The following SLCO4C1 variants were observed in gnomAD, a reference collection of about 807,000 sequenced individuals.
SLCO4C1 encodes solute carrier organic anion transporter family member 4C1.
Under a neutral mutation model 72.1 loss-of-function variants are expected in SLCO4C1, and 58 were observed. That is an observed-to-expected ratio of 0.80 (90% CI 0.65 to 1.00). The LOEUF (loss-of-function observed/expected upper bound fraction) is 1.00, where lower values mean the gene tolerates loss of function less well. Among genes scored for constraint, SLCO4C1 ranks in the 50% least tolerant of loss-of-function variants. The probability of loss-of-function intolerance (pLI) is 0.00; values close to 1 mark genes in which losing one functional copy is unlikely to be tolerated. For synonymous variants in SLCO4C1, 297 were observed against 312.5 expected (o/e 0.95, Z 0.52); for missense variants, 898 against 857.9 (o/e 1.05, Z -0.58).
In SLCO4C1 at chr5:102,275,107, G is replaced by A. The variant is rs190747195; in HGVS notation, c.620-4301C>T. Among the ~76,000 whole-genome samples, 323 of 151,620 alleles carry A rather than the reference G, an allele frequency of 2.1e-3. 3 individuals are homozygous for A. Among genetic ancestry groups the A allele is most frequent in the African/African-American group, 7.6e-3 (313 of 41,452 alleles). The stretch of plus-strand genomic sequence containing the variant: ...AACACATAGTTCATCACGAGATGAG[G>A]CAATGATTTATATAAATAAATGAAG... On this transcript the variant is annotated intron_variant, in intron 2 of 12. Transcript: ENST00000310954.
chr5:102,260,274 C>A lies in SLCO4C1; in HGVS notation c.1067G>T (p.Ser356Ile). 1 of 1,393,358 alleles carries A rather than the reference C, an allele frequency of 7.2e-7. No homozygotes were observed. The highest frequency in any genetic ancestry group is 2.3e-5 in the Admixed American group (1 of 43,234). The allele number at this position is 1,393,358 out of a possible 1,614,324, so 86.3% of individuals were successfully genotyped here. A position where few individuals can be genotyped will look rare whatever the true frequency, so the allele number is the denominator to read the frequency against. Residue 356 changes from serine (S) to isoleucine (I), a missense_variant, in exon 6 of 13, where the codon AGT (serine) becomes ATT (isoleucine). Ser to Ile is a moderately radical substitution (Grantham distance 142). Coordinates refer to ENST00000310954, the MANE Select transcript of SLCO4C1 (RefSeq NM_180991.5). Reference protein sequence around the residue: ...QAGKTSQAHQSNSNADVKFGK... With the variant: ...QAGKTSQAHQINSNADVKFGK... The stretch of plus-strand genomic sequence containing the variant: ...AAATTTCACATCTGCATTACTATTA[C>A]TCTGATGAGCCTGGGAAGTTTTTCC...
intron 10 of SLCO4C1, among the ~76,000 whole-genome samples, chr5:102,241,656 A>C (rs545549199): frequency 1.2e-4 from 18 of 152,280 alleles, no homozygotes; most frequent in African/African-American, 4.3e-4. Flanking sequence ...AATATTTTAA[A>C]ATATTTATCC....
intron 2 of SLCO4C1, among the ~76,000 whole-genome samples, chr5:102,277,915 A>G (rs1749278425): frequency 6.6e-6 from 1 of 152,162 alleles, no homozygotes; most frequent in Non-Finnish European, 1.5e-5. Flanking sequence ...TGTTCAAGCA[A>G]CTCACATTCA....
chr5:102,239,502 G>T, intron 11 of SLCO4C1, 114 bp from the exon 12 acceptor site: 2 of 678,508 alleles, frequency 2.9e-6, no homozygotes, highest in Non-Finnish European at 4.2e-6. Context: ...GTATTCATCT[G>T]TCCACATGCA....
At chr5:102,252,043 G>A (rs972380017) in intron 8 of SLCO4C1, among the ~76,000 whole-genome samples, 2 of 150,880 alleles carry the variant, frequency 1.3e-5, no homozygotes, top group Non-Finnish European at 3.0e-5. Context: ...GAAGAAGGAA[G>A]GGAGAAAAGC....
intron 2 of SLCO4C1, among the ~76,000 whole-genome samples, chr5:102,278,532 C>T (rs1749290836): frequency 6.6e-6 from 1 of 152,162 alleles, no homozygotes; most frequent in African/African-American, 2.4e-5. Flanking sequence ...TAGCAAAATA[C>T]ATTTTCTTTT....
chr5:102,242,953 G>A (rs559377606), intron 10 of SLCO4C1, among the ~76,000 whole-genome samples: 4 of 152,216 alleles, frequency 2.6e-5, no homozygotes, highest in Admixed American at 1.3e-4. Flanking sequence ...ACCTGTCCTG[G>A]GCCAGCAGGG....
Position 102,240,778 on chromosome 5 carries a change from C to G in SLCO4C1, c.1816G>C (p.Val606Leu). 6.2e-7 allele frequency: 1 copy of G among 1,610,334 alleles called. No homozygotes were observed. The highest frequency in any genetic ancestry group is 8.5e-7 in the Non-Finnish European group (1 of 1,177,406). Residue 606 changes from valine to leucine, a missense_variant, in exon 11 of 13, where the codon GTT becomes CTT. Physicochemically the swap from Val to Leu is conservative, Grantham distance 32. Coordinates refer to ENST00000310954, the MANE Select transcript of SLCO4C1 (RefSeq NM_180991.5). ...TPITVSILRC[V>L]NHRQRSLALG... is the part of the protein sequence containing the mutation. ...GCTAGGGACCGTTGTCTGTGATTAACACACCTGGAAATATTAAATATATAT... is the reference window on the plus strand; with the variant it reads ...GCTAGGGACCGTTGTCTGTGATTAAGACACCTGGAAATATTAAATATATAT...
At chr5:102,247,217 C>T (rs1196210751) in intron 10 of SLCO4C1, 35 bp downstream of exon 10, 7 of 1,435,530 alleles carry the variant, frequency 4.9e-6, no homozygotes, top group East Asian at 2.3e-5. Flanking sequence ...AACATGTTGC[C>T]TTAGGGAATG....
At chr5:102,243,274 C>A (rs1748579709) in intron 10 of SLCO4C1, among the ~76,000 whole-genome samples, 2 of 152,198 alleles carry the variant, frequency 1.3e-5, no homozygotes, top group Admixed American at 1.3e-4. Flanking sequence ...TGTAGGACCT[C>A]CCCACCCAAG....
At chr5:102,294,985 T>C (rs754919522) in intron 1 of SLCO4C1, among the ~76,000 whole-genome samples, 2 of 152,222 alleles carry the variant, frequency 1.3e-5, no homozygotes, top group Non-Finnish European at 2.9e-5. Flanking sequence ...CCAAAAAATA[T>C]CTACATTCCA....
rs186162909 is a variant in SLCO4C1 at position 102,286,235 on chromosome 5, G to T, written c.619+5108C>A. Among the ~76,000 whole-genome samples the T allele has an allele frequency of 2.0e-5, 3 of 152,176 alleles. No individual in the cohort carries two copies. The East Asian group carries it at 5.8e-4, about 29-fold the overall frequency. ...AAAGGAGATGGAAAAGAGAAACAAAGATATAGTGCAACGTAGGAAAAATTA... is the reference window on the plus strand; with the variant it reads ...AAAGGAGATGGAAAAGAGAAACAAATATATAGTGCAACGTAGGAAAAATTA... On this transcript the variant is annotated intron_variant, in intron 2 of 12. Transcript: ENST00000310954.
chr5:102,275,215 T>G (rs10063293), intron 2 of SLCO4C1, among the ~76,000 whole-genome samples: 1 of 151,402 alleles, frequency 6.6e-6, no homozygotes, highest in African/African-American at 2.4e-5. Context: ...TAAAACCCCA[T>G]AGAAAAGAAG....
intron 3 of SLCO4C1, among the ~76,000 whole-genome samples, chr5:102,266,049 G>A (rs1749032736): frequency 6.6e-6 from 1 of 151,752 alleles, no homozygotes; most frequent in South Asian, 2.1e-4. Context: ...TTGTTCCTAT[G>A]TATTTCTTTG....
intron 5 of SLCO4C1, among the ~76,000 whole-genome samples, chr5:102,261,087 T>G (rs1748933781): frequency 6.6e-6 from 1 of 152,210 alleles, no homozygotes. Context: ...ATGAATAGTC[T>G]TTCTTATTAA....
At position 102,257,930 on chromosome 5, in the gene SLCO4C1, GA is replaced by G. The variant is rs2112356364; in HGVS notation, c.1273+12del. ...AGTAAAATTTTTAGGTTAAGATAAAGAAAATGTTTTACCTCCAAGAGTAGCT... is the reference window on the plus strand; with the variant it reads ...AGTAAAATTTTTAGGTTAAGATAAAGAAATGTTTTACCTCCAAGAGTAGCT... On this transcript the variant is annotated intron_variant, in intron 7 of 12. Transcript: ENST00000310954. 2.5e-6 allele frequency: 4 copies of G among 1,594,024 alleles called. No homozygotes were observed. Among genetic ancestry groups the G allele is most frequent in the Non-Finnish European group, 3.4e-6 (4 of 1,174,038 alleles).
chr5:102,270,711 G>A lies in SLCO4C1; in HGVS notation c.715C>T (p.Leu239=), dbSNP rs541370713. 43 of 1,613,124 alleles carry A rather than the reference G, an allele frequency of 2.7e-5. 1 individual carries two copies. In the South Asian group the frequency reaches 4.5e-4, roughly 17 times the overall value. ...LYVFILGQLL[L]GAGGTPLYTL... is the part of the protein sequence containing the mutation. Reference sequence around the variant, plus strand: ...TAAAGAGGAGTTCCTCCTGCCCCCAGCAATAGTTGTCCCAAGATGAAGACA... The same window carrying A: ...TAAAGAGGAGTTCCTCCTGCCCCCAACAATAGTTGTCCCAAGATGAAGACA... Residue 239 remains leucine, a synonymous_variant, in exon 3 of 13, where the codon CTG becomes TTG. Transcript: ENST00000310954.
intron 10 of SLCO4C1, among the ~76,000 whole-genome samples, chr5:102,244,384 C>T (rs1350537347): frequency 6.6e-6 from 1 of 152,062 alleles, no homozygotes; most frequent in South Asian, 2.1e-4. Context: ...AGCATGCCTA[C>T]AGCATCTAGA....
At chr5:102,239,163 T>A in intron 12 of SLCO4C1, 88 bp downstream of exon 12, 1 of 1,236,576 alleles carries the variant, frequency 8.1e-7, no homozygotes, top group Non-Finnish European at 1.1e-6. Flanking sequence ...CATTTCAAAA[T>A]ACCTGTGACC....
Sources: allele counts gnomAD v4.1 joint callset (sites outside exome capture counted in the v4.1 genomes callset), GRCh38; gene constraint gnomAD v4.1.1; transcripts MANE v1.5; gene names NCBI Gene and HGNC (gene_info 2026-07-23, HGNC 2026-07-21).